Variants in PDZRN4 observed in about 807,000 individuals in gnomAD.
The protein encoded by PDZRN4 is PDZ domain containing ring finger 4.
In PDZRN4, 70 loss-of-function variants were observed where a neutral mutation model predicts 99.0. That is an observed-to-expected ratio of 0.71 (90% CI 0.58 to 0.86). The LOEUF (loss-of-function observed/expected upper bound fraction) is 0.86, where lower values mean the gene tolerates loss of function less well. Ranked by LOEUF, PDZRN4 falls within the 40% of genes least tolerant of loss-of-function variation. The pLI, the probability that PDZRN4 is intolerant of heterozygous loss-of-function variation, is 0.00. For synonymous variants in PDZRN4, 551 were observed against 501.6 expected (o/e 1.10, Z -1.32); for missense variants, 1,474 against 1,331.2 (o/e 1.11, Z -1.67).
chr12:41,407,305 C>T (rs1401548418), intron 3 of PDZRN4, among the ~76,000 whole-genome samples: 1 of 152,108 alleles, frequency 6.6e-6, no homozygotes, highest in Non-Finnish European at 1.5e-5. Context: ...CTTCTAAGTT[C>T]TGTGTTTTAA....
chr12:41,428,444 G>A (rs1952556558), intron 3 of PDZRN4, among the ~76,000 whole-genome samples: 1 of 152,096 alleles, frequency 6.6e-6, no homozygotes, highest in Non-Finnish European at 1.5e-5. Flanking sequence ...GAATATTTGA[G>A]CAGAATCCAA....
intron 3 of PDZRN4, among the ~76,000 whole-genome samples, chr12:41,274,630 T>C (rs1197142591): frequency 6.6e-6 from 1 of 152,172 alleles, no homozygotes; most frequent in Non-Finnish European, 1.5e-5. Flanking sequence ...TAGACACTAC[T>C]GAAATACCTG....
chr12:41,570,881 G>A (rs1939459610), intron 9 of PDZRN4, among the ~76,000 whole-genome samples: 1 of 152,120 alleles, frequency 6.6e-6, no homozygotes, highest in African/African-American at 2.4e-5. Flanking sequence ...GAAGGAACAT[G>A]TTCCAGGGAA....
intron 3 of PDZRN4, among the ~76,000 whole-genome samples, chr12:41,215,244 C>T (rs767082142): frequency 1.3e-5 from 2 of 151,994 alleles, no homozygotes; most frequent in East Asian, 3.9e-4. Context: ...AAATTGTTTA[C>T]TGGGCTGTCT....
chr12:41,418,505 C>T (rs1465754948), intron 3 of PDZRN4, among the ~76,000 whole-genome samples: 5 of 152,048 alleles, frequency 3.3e-5, no homozygotes, highest in Non-Finnish European at 7.4e-5. Flanking sequence ...AAAAGAAAAT[C>T]TGAACTTAAA....
At chr12:41,191,705 T>C (rs532117780) in intron 2 of PDZRN4, among the ~76,000 whole-genome samples, 161 bp downstream of exon 2, 57 of 152,288 alleles carry the variant, frequency 3.7e-4, no homozygotes, top group Non-Finnish European at 5.7e-4. Context: ...TGATCAAATA[T>C]CAGATTTCTT....
chr12:41,479,240 A>G (rs1250966730), intron 3 of PDZRN4, among the ~76,000 whole-genome samples: 2 of 152,220 alleles, frequency 1.3e-5, no homozygotes, highest in South Asian at 2.1e-4. Flanking sequence ...AGAAAAGCTG[A>G]CATCCTCTTG....
At chr12:41,502,802 A>G (rs1343398860) in intron 3 of PDZRN4, among the ~76,000 whole-genome samples, 2 of 152,142 alleles carry the variant, frequency 1.3e-5, no homozygotes, top group South Asian at 2.1e-4. Flanking sequence ...GGATGGAGGG[A>G]CAGAATATAG....
chr12:41,492,568 T>C (rs1937909602), intron 3 of PDZRN4, among the ~76,000 whole-genome samples: 1 of 152,170 alleles, frequency 6.6e-6, no homozygotes, highest in Non-Finnish European at 1.5e-5. Flanking sequence ...GCTCTGAGTC[T>C]CATTCAGTCA....
At chr12:41,269,858 TA>T (rs1170068358) in intron 3 of PDZRN4, among the ~76,000 whole-genome samples, 1 of 152,108 alleles carries the variant, frequency 6.6e-6, no homozygotes, top group African/African-American at 2.4e-5. Flanking sequence ...GGGGAAGAAA[TA>T]AAGTCAACAC....
At chr12:41,550,265 A>G (rs1463226946) in intron 5 of PDZRN4, among the ~76,000 whole-genome samples, 1 of 152,124 alleles carries the variant, frequency 6.6e-6, no homozygotes, top group Non-Finnish European at 1.5e-5. Context: ...TAGGGCATTG[A>G]AAGTCGGTGG....
chr12:41,264,584 G>A (rs1951264414), intron 3 of PDZRN4, among the ~76,000 whole-genome samples: 1 of 151,912 alleles, frequency 6.6e-6, no homozygotes, highest in Non-Finnish European at 1.5e-5. Flanking sequence ...ATTTAGTTCT[G>A]TTTTTTCATT....
intron 3 of PDZRN4, among the ~76,000 whole-genome samples, chr12:41,316,451 G>T (rs1426679333): frequency 1.5e-5 from 2 of 133,088 alleles, no homozygotes; most frequent in African/African-American, 5.7e-5. Flanking sequence ...AGAGGAAAAA[G>T]GCAAATGTGT....
intron 3 of PDZRN4, among the ~76,000 whole-genome samples, chr12:41,394,796 AGT>A (rs200446538): frequency 2.0e-5 from 3 of 150,308 alleles, no homozygotes; most frequent in African/African-American, 5.0e-5. Flanking sequence ...AGAGAGAGAG[AGT>A]GAGTGAATGA....
chr12:41,243,538 G>C (rs534261779), intron 3 of PDZRN4, among the ~76,000 whole-genome samples: 2 of 152,066 alleles, frequency 1.3e-5, no homozygotes. Context: ...ATTTGAATAC[G>C]TTAAAAATAT....
chr12:41,501,442 T>C (rs1266073474), intron 3 of PDZRN4, among the ~76,000 whole-genome samples: 1 of 152,174 alleles, frequency 6.6e-6, no homozygotes, highest in Admixed American at 6.6e-5. Flanking sequence ...GGGGAAGTTA[T>C]TGAAGAGTGG....
chr12:41,511,145 A>T (rs913610248), intron 5 of PDZRN4, among the ~76,000 whole-genome samples: 3 of 152,006 alleles, frequency 2.0e-5, no homozygotes, highest in Non-Finnish European at 4.4e-5. Context: ...GGGGACTGGA[A>T]TTATGTAGAT....
chr12:41,261,347 G>A (rs1484055154), intron 3 of PDZRN4, among the ~76,000 whole-genome samples: 1 of 152,216 alleles, frequency 6.6e-6, no homozygotes, highest in Non-Finnish European at 1.5e-5. Flanking sequence ...CCCATTCCAT[G>A]TGGATTATTT....
intron 3 of PDZRN4, among the ~76,000 whole-genome samples, chr12:41,423,554 A>T (rs1952509587): frequency 1.3e-5 from 2 of 152,148 alleles, no homozygotes; most frequent in African/African-American, 2.4e-5. Context: ...TGCATCTCTG[A>T]AATCCCATAC....
Sources: gnomAD v4.1 joint callset for allele counts (sites outside exome capture counted in the v4.1 genomes callset) on GRCh38, gnomAD v4.1.1 for gene constraint, MANE v1.5 for transcripts, NCBI Gene and HGNC (gene_info 2026-07-23, HGNC 2026-07-21) for gene names.